PARL: variants seen among roughly 807,000 people sequenced by gnomAD.
The protein encoded by PARL is presenilin-associated rhomboid-like protein, mitochondrial.
PARL carries 44 observed loss-of-function variants against 51.6 expected under a neutral mutation model. The observed-to-expected ratio is 0.85, with a 90% CI of 0.67 to 1.10. The LOEUF (loss-of-function observed/expected upper bound fraction) is 1.10. PARL is among the 50% of genes least tolerant of loss of function. PARL has a pLI of 0.00. For synonymous variants in PARL, 172 were observed against 164.0 expected, an observed-to-expected ratio of 1.05 and a Z score of -0.37; for missense variants, 441 against 469.5, an observed-to-expected ratio of 0.94 and a Z score of 0.56.
At position 183,833,583 on chromosome 3, in the gene PARL, T is replaced by C; in HGVS notation, c.937A>G (p.Lys313Glu). The C allele has an allele frequency of 6.2e-7, 1 of 1,612,380 alleles. No individual in the cohort carries two copies. The highest frequency in any genetic ancestry group is 1.3e-5 in the African/African-American group (1 of 74,996). Residue 313 changes from lysine to glutamate, a missense_variant, in exon 9 of 10, where the codon AAA (lysine) becomes GAA (glutamate). Lys to Glu is a moderately conservative substitution (Grantham distance 56). Coordinates refer to ENST00000317096, the MANE Select transcript of PARL (RefSeq NM_018622.7). ...MFTFTAGNAL[K>E]AIIAMDTAGM... Reference sequence around the variant, plus strand: ...GCTGTATCCATGGCGATAATGGCTTTCAGGGCCTGAAAGGCAGCAAGAAAC... The same window carrying C: ...GCTGTATCCATGGCGATAATGGCTTCCAGGGCCTGAAAGGCAGCAAGAAAC...
At position 183,842,392 on chromosome 3, in the gene PARL, G is replaced by A; in HGVS notation, c.663C>T (p.His221=). Residue 221 remains histidine, a synonymous_variant, in exon 6 of 10, where the codon CAC becomes CAT. Coordinates refer to ENST00000317096, the MANE Select transcript of PARL (RefSeq NM_018622.7). ...ACAAAACATACATATTTGCTGCCAT[G>A]TGAAATAAGGAGAAATGACTGAATG... The part of the protein sequence containing the change: ...LSTFSHFSLF[H]MAANMYVLWS... 1 of 1,613,150 alleles carries A rather than the reference G, an allele frequency of 6.2e-7. No homozygotes were observed. The highest frequency in any genetic ancestry group is 8.5e-7 in the Non-Finnish European group (1 of 1,179,114).
At chr3:183,831,124 C>T (rs1396965387) in intron 9 of PARL, among the ~76,000 whole-genome samples, 2 of 152,090 alleles carry the variant, frequency 1.3e-5, no homozygotes, top group Non-Finnish European at 2.9e-5. Context: ...TACAGGCATG[C>T]ACCACCACGC....
At chr3:183,843,380 G>T in intron 5 of PARL, 2 of 670,114 alleles carry the variant, frequency 3.0e-6, no homozygotes, top group Non-Finnish European at 3.7e-6. Context: ...AGCTGGGCAT[G>T]GTGGCATGCA....
At chr3:183,830,092 C>T (rs58800121) in intron 9 of PARL, among the ~76,000 whole-genome samples, 7,940 of 152,226 alleles carry the variant, frequency 0.052, 706 homozygotes, top group African/African-American at 0.18. Context: ...CAGACTGACT[C>T]GATGTTCTGA....
chr3:183,862,784 ATTCCACCACT>A lies in PARL; in HGVS notation c.470_479del (p.Lys157IlefsTer3). On this transcript the variant is annotated frameshift_variant, in exon 4 of 10. Transcript: ENST00000317096. LOFTEE classifies it high-confidence loss of function. ...CAGTCCGCTGGCCATCACTTAGGTT[ATTCCACCACT>A]TGTTAATCTAAAACAGACAGAAAAT... 1 of 1,613,556 alleles carries A rather than the reference ATTCCACCACT, an allele frequency of 6.2e-7. No individual in the cohort carries two copies. The highest frequency in any genetic ancestry group is 1.3e-5 in the African/African-American group (1 of 75,054).
chr3:183,830,628 A>G (rs1727828787), intron 9 of PARL, among the ~76,000 whole-genome samples: 1 of 152,176 alleles, frequency 6.6e-6, no homozygotes, highest in Admixed American at 6.5e-5. Flanking sequence ...CAGAGACCAG[A>G]TTTTGTTATC....
At chr3:183,875,741 TA>T (rs1213873811) in intron 1 of PARL, among the ~76,000 whole-genome samples, 3 of 152,198 alleles carry the variant, frequency 2.0e-5, no homozygotes, top group African/African-American at 7.2e-5. Context: ...TGAAGGTGGC[TA>T]CACTAAACAG....
At chr3:183,854,974 A>G (rs1163356965) in intron 4 of PARL, among the ~76,000 whole-genome samples, 1 of 152,234 alleles carries the variant, frequency 6.6e-6, no homozygotes, top group Non-Finnish European at 1.5e-5. Flanking sequence ...AAAAAGAAAC[A>G]GAAGTACTGA....
At chr3:183,853,683 T>A (rs1270960200) in intron 4 of PARL, among the ~76,000 whole-genome samples, 1 of 152,054 alleles carries the variant, frequency 6.6e-6, no homozygotes, top group Non-Finnish European at 1.5e-5. Context: ...ATGCTCAACA[T>A]CACTAATCAC....
At chr3:183,854,369 C>T (rs1187203076) in intron 4 of PARL, among the ~76,000 whole-genome samples, 1 of 152,050 alleles carries the variant, frequency 6.6e-6, no homozygotes, top group African/African-American at 2.4e-5. Context: ...AATGGATAAA[C>T]AAAATGTGAT....
chr3:183,878,776 C>T (rs148566089), intron 1 of PARL, among the ~76,000 whole-genome samples: 3 of 152,248 alleles, frequency 2.0e-5, no homozygotes, highest in African/African-American at 2.4e-5. Flanking sequence ...TCTAAACAAG[C>T]GCCTAAATTA....
At chr3:183,844,047 C>CAAAGAA (rs1553895348) in intron 5 of PARL, among the ~76,000 whole-genome samples, 184 bp downstream of exon 5, 1 of 151,854 alleles carries the variant, frequency 6.6e-6, no homozygotes, top group Non-Finnish European at 1.5e-5. Context: ...TCAAAAAAAA[C>CAAAGAA]AAAGAAAAAG....
intron 9 of PARL, 83 bp from the exon 10 acceptor site, chr3:183,829,792 C>G (rs1727710042): frequency 8.7e-7 from 1 of 1,144,762 alleles, no homozygotes; most frequent in African/African-American, 1.5e-5. Context: ...CCCAAGTTGA[C>G]ATTTTTAAAA....
At chr3:183,832,383 TAA>T (rs1306563619) in intron 9 of PARL, among the ~76,000 whole-genome samples, 1 of 152,048 alleles carries the variant, frequency 6.6e-6, no homozygotes, top group East Asian at 1.9e-4. Context: ...CACGCCCGGC[TAA>T]GTTTTTTGTA....
In PARL at chr3:183,840,430, T is replaced by C. The variant is rs1729154953; in HGVS notation, c.828+140A>G. The C allele has an allele frequency of 1.5e-5, 8 of 548,714 alleles. No homozygotes were observed. The South Asian group carries it at 2.3e-4, about 16-fold the overall frequency. The allele number at this position is 548,714 out of a possible 1,614,324, so 34.0% of individuals were successfully genotyped here. On this transcript the variant is annotated intron_variant, in intron 7 of 9. Coordinates refer to ENST00000317096, the MANE Select transcript of PARL (RefSeq NM_018622.7). ...CTGTATTGTTTCAATGTTAATTTCT[T>C]GGTTTCGATGTTAGTTAACAGTAGG...
At chr3:183,878,657 T>A (rs559969261) in intron 1 of PARL, among the ~76,000 whole-genome samples, 1 of 152,312 alleles carries the variant, frequency 6.6e-6, no homozygotes, top group Non-Finnish European at 1.5e-5. Context: ...GATCTATTCA[T>A]ACCACAGGTT....
chr3:183,879,733 C>T (rs1045588741), intron 1 of PARL: 28 of 977,818 alleles, frequency 2.9e-5, no homozygotes, highest in African/African-American at 5.3e-5. Flanking sequence ...TTTTGGTGGG[C>T]GGGGGGAGGT....
chr3:183,853,436 C>T (rs903935016), intron 4 of PARL, among the ~76,000 whole-genome samples: 3 of 152,140 alleles, frequency 2.0e-5, no homozygotes, highest in South Asian at 2.1e-4. Context: ...TGGTGGCACA[C>T]GCCTGTAATC....
At chr3:183,847,470 G>A (rs925035927) in intron 4 of PARL, among the ~76,000 whole-genome samples, 4 of 152,040 alleles carry the variant, frequency 2.6e-5, no homozygotes, top group Non-Finnish European at 5.9e-5. Context: ...AGGCTAAGGT[G>A]GGAGGATTGC....
Sources: allele counts gnomAD v4.1 joint callset (sites outside exome capture counted in the v4.1 genomes callset), GRCh38; gene constraint gnomAD v4.1.1; transcripts MANE v1.5; gene names NCBI Gene and HGNC (gene_info 2026-07-23, HGNC 2026-07-21).